The following WWC1 variants were observed in gnomAD, a reference collection of about 807,000 sequenced individuals.
WWC1 encodes the protein protein KIBRA.
A neutral mutation model predicts 138.4 loss-of-function variants in WWC1; 55 were observed. The observed-to-expected ratio is 0.40, with a 90% CI of 0.32 to 0.50. WWC1 has a LOEUF of 0.50. Among genes scored for constraint, WWC1 ranks in the 20% least tolerant of loss-of-function variants. WWC1 has a pLI of 0.72. For synonymous variants in WWC1, 524 were observed against 564.9 expected (o/e 0.93, Z 1.03); for missense variants, 1,226 against 1,420.4 (o/e 0.86, Z 2.20).
At chr5:168,419,971 C>A (rs557942715) in intron 9 of WWC1, among the ~76,000 whole-genome samples, 21 of 152,318 alleles carry the variant, frequency 1.4e-4, no homozygotes, top group African/African-American at 4.8e-4. Context: ...AAAATCTTTG[C>A]TTCCAGTTCT....
chr5:168,422,541 C>T (rs911757822), intron 10 of WWC1, among the ~76,000 whole-genome samples: 5 of 151,910 alleles, frequency 3.3e-5, no homozygotes, highest in Non-Finnish European at 5.9e-5. Flanking sequence ...GACTTGAGCC[C>T]GGGAGGAGGC....
At chr5:168,313,619 G>A (rs947447269) in intron 1 of WWC1, among the ~76,000 whole-genome samples, 13 of 150,468 alleles carry the variant, frequency 8.6e-5, no homozygotes, top group Non-Finnish European at 1.6e-4. Flanking sequence ...GCAGAATCCC[G>A]GGCTGCACCC....
chr5:168,415,813 G>GTGTGTGT, intron 9 of WWC1: 1 of 10,776 alleles, frequency 9.3e-5, no homozygotes, highest in Admixed American at 1.2e-3. Context: ...GGGGGGGGGG[G>GTGTGTGT]GCGTGTGTGT....
intron 1 of WWC1, among the ~76,000 whole-genome samples, chr5:168,325,291 G>A (rs535493459): frequency 1.1e-4 from 16 of 152,326 alleles, no homozygotes; most frequent in Admixed American, 3.3e-4. Context: ...CCAAGCTCAC[G>A]TGTGATGCCA....
In WWC1 at chr5:168,423,172, A is replaced by C. The variant is rs950134833; in HGVS notation, c.1275-361A>C. On this transcript the variant is annotated intron_variant, in intron 10 of 22. Coordinates refer to ENST00000265293, the MANE Select transcript of WWC1 (RefSeq NM_015238.3). ...CCCAAAAAAAAAAAAAAAAAAAAAA[A>C]CACAGTGAGTTGATTTCAAGAAAGA... Among the ~76,000 whole-genome samples, 176 of 145,360 alleles carry C rather than the reference A, an allele frequency of 1.2e-3. 1 individual carries two copies. The highest frequency in any genetic ancestry group is 3.7e-3 in the African/African-American group (143 of 38,324).
At chr5:168,414,182 C>T in intron 8 of WWC1, 166 bp from the exon 9 acceptor site, 1 of 983,870 alleles carries the variant, frequency 1.0e-6, no homozygotes, top group Non-Finnish European at 1.5e-6. Context: ...GGTAGGCACC[C>T]ACATGTGTTT....
chr5:168,370,873 G>A (rs142305871), intron 1 of WWC1, among the ~76,000 whole-genome samples: 1 of 152,232 alleles, frequency 6.6e-6, no homozygotes, highest in African/African-American at 2.4e-5. Flanking sequence ...TTGGGAATCA[G>A]CTCAAGAGGA....
Position 168,472,173 on chromosome 5 carries a change from G to A in WWC1, c.*3156G>A, listed in dbSNP as rs913184330. ...GTGGGGAGAACCAGACCACCTCTGCGGAAGGCAGCAGACCCTCTTCCAGCC... is the reference window on the plus strand; with the variant it reads ...GTGGGGAGAACCAGACCACCTCTGCAGAAGGCAGCAGACCCTCTTCCAGCC... On this transcript the variant is annotated 3_prime_UTR_variant, in exon 23 of 23. Coordinates refer to ENST00000265293, the MANE Select transcript of WWC1 (RefSeq NM_015238.3). 3.3e-5 allele frequency: 5 copies of A among 152,338 alleles called. No individual in the cohort carries two copies. The highest frequency in any genetic ancestry group is 3.4e-3 in the Middle Eastern group (1 of 294). 9.4% of individuals were successfully genotyped at this position (152,338 alleles called of 1,614,324 possible).
Position 168,292,115 on chromosome 5 carries a change from G to A in WWC1, c.-38G>A, listed in dbSNP as rs972329397. 1.9e-5 allele frequency: 28 copies of A among 1,503,382 alleles called. No individual in the cohort carries two copies. The highest frequency in any genetic ancestry group is 2.7e-5 in the East Asian group (1 of 36,528). 93.1% of individuals were successfully genotyped at this position (1,503,382 alleles called of 1,614,324 possible). ...GAGCCGCTGAGCCCCCGCTGCGGCC[G>A]GGAGCTGCATGGGGGAGCGCCGGCA... On this transcript the variant is annotated 5_prime_UTR_variant, in exon 1 of 23. Coordinates refer to ENST00000265293, the MANE Select transcript of WWC1 (RefSeq NM_015238.3). This position sits in a 1 kb window ranked among gnomAD's most constrained non-coding sequence, Gnocchi z 4.4.
At chr5:168,465,576 T>TTTTTTTTTTTA (rs1554118704) in intron 21 of WWC1, among the ~76,000 whole-genome samples, 1 of 136,130 alleles carries the variant, frequency 7.3e-6, no homozygotes, top group Admixed American at 7.4e-5. Flanking sequence ...TTTTTTTTTT[T>TTTTTTTTTTTA]GGAGATGGGT....
rs1238994169 is a variant in WWC1 at position 168,292,314 on chromosome 5, T to G, written c.119+43T>G. 2.0e-6 allele frequency: 3 copies of G among 1,535,472 alleles called. No homozygotes were observed. Among genetic ancestry groups the G allele is most frequent in the Non-Finnish European group, 2.6e-6 (3 of 1,139,676 alleles). ...TCCTCCGTGCCCCCACACCCCCGCCTGGGCCCCCACCTGCCCCTGGAGCCG... is the reference window on the plus strand; with the variant it reads ...TCCTCCGTGCCCCCACACCCCCGCCGGGGCCCCCACCTGCCCCTGGAGCCG... On this transcript the variant is annotated intron_variant, in intron 1 of 22. Coordinates refer to ENST00000265293, the MANE Select transcript of WWC1 (RefSeq NM_015238.3). The surrounding 1 kb of genome is among the most constrained non-coding windows in gnomAD (Gnocchi z 4.4).
intron 3 of WWC1, among the ~76,000 whole-genome samples, chr5:168,388,202 C>G (rs1218210839): frequency 6.6e-6 from 1 of 152,102 alleles, no homozygotes; most frequent in Non-Finnish European, 1.5e-5. Context: ...TGAAGGATCC[C>G]TCACAAGAAT....
intron 21 of WWC1, 78 bp from the exon 22 acceptor site, chr5:168,467,762 C>G: frequency 6.3e-7 from 1 of 1,599,120 alleles, no homozygotes; most frequent in Non-Finnish European, 8.5e-7. Context: ...GTAGCCCCCT[C>G]TGTTGTGATA....
At chr5:168,359,364 A>G (rs1775712239) in intron 1 of WWC1, among the ~76,000 whole-genome samples, 1 of 152,178 alleles carries the variant, frequency 6.6e-6, no homozygotes, top group South Asian at 2.1e-4. Context: ...TATACACTAT[A>G]GAGTTTTTTA....
chr5:168,292,034 G>T lies in WWC1; in HGVS notation c.-119G>T. ...CTACTAGGGCCCCCCATCTGCGGGC[G>T]CCACCCCCCGGATCATGGTGCCTCG... On this transcript the variant is annotated 5_prime_UTR_variant, in exon 1 of 23. Coordinates refer to ENST00000265293, the MANE Select transcript of WWC1 (RefSeq NM_015238.3). The surrounding 1 kb of genome is among the most constrained non-coding windows in gnomAD (Gnocchi z 4.4). The T allele has an allele frequency of 8.0e-7, 1 of 1,254,614 alleles. No homozygotes were observed. Among genetic ancestry groups the T allele is most frequent in the East Asian group, 3.2e-5 (1 of 31,182 alleles). 77.7% of individuals were successfully genotyped at this position (1,254,614 alleles called of 1,614,324 possible). A position where few individuals can be genotyped will look rare whatever the true frequency, so the allele number is the denominator to read the frequency against.
In WWC1 at chr5:168,301,638, CA is replaced by C. The variant is rs778792626; in HGVS notation, c.119+9384del. Among the ~76,000 whole-genome samples, 746 of 99,822 alleles carry C rather than the reference CA, an allele frequency of 7.5e-3. 3 individuals are homozygous for C. The highest frequency in any genetic ancestry group is 0.017 in the African/African-American group (468 of 28,040). The allele number at this position is 99,822 out of a possible 152,430, so 65.5% of individuals were successfully genotyped here. On this transcript the variant is annotated intron_variant, in intron 1 of 22. Transcript: ENST00000265293. ...GGGCAACAAGAGCAAAACTTCGTCT[CA>C]AAAAAAAAAAAAAAAAGTAAGTGAC...
intron 8 of WWC1, 82 bp downstream of exon 8, chr5:168,410,077 T>C: frequency 7.6e-7 from 1 of 1,323,612 alleles, no homozygotes; most frequent in Non-Finnish European, 1.1e-6. Context: ...GCTTAGCTTT[T>C]CACACACTTC....
chr5:168,398,669 A>C (rs562270634), intron 4 of WWC1, among the ~76,000 whole-genome samples: 36 of 152,334 alleles, frequency 2.4e-4, no homozygotes, highest in African/African-American at 8.4e-4. Context: ...ATAGTGGTTT[A>C]GTTAAACTCA....
At chr5:168,312,077 G>C (rs1430723723) in intron 1 of WWC1, among the ~76,000 whole-genome samples, 1 of 151,620 alleles carries the variant, frequency 6.6e-6, no homozygotes, top group Non-Finnish European at 1.5e-5. Context: ...AATTAGCCAG[G>C]CATTGTGGTG....
Sources: allele counts gnomAD v4.1 joint callset (sites outside exome capture counted in the v4.1 genomes callset), GRCh38; gene constraint gnomAD v4.1.1; non-coding constraint Gnocchi (gnomAD v3.1); transcripts MANE v1.5; gene names NCBI Gene and HGNC (gene_info 2026-07-23, HGNC 2026-07-21).